PIGU: variants seen among roughly 807,000 people sequenced by gnomAD.
The protein encoded by PIGU is GPI-anchor transamidase component PIGU.
A neutral mutation model predicts 49.9 loss-of-function variants in PIGU; 24 were observed. That is an observed-to-expected ratio of 0.48 (90% CI 0.35 to 0.68). PIGU has a LOEUF of 0.68. PIGU is among the 30% of genes least tolerant of loss of function. The pLI is 0.01. For missense variants in PIGU, 490 were observed against 532.6 expected (o/e 0.92, Z 0.79); for synonymous variants, 220 against 205.7 (o/e 1.07, Z -0.59).
intron 6 of PIGU, among the ~76,000 whole-genome samples, chr20:34,626,895 G>C (rs1268697910): frequency 6.6e-6 from 1 of 151,796 alleles, no homozygotes; most frequent in East Asian, 1.9e-4. Context: ...AGGATAAAAA[G>C]TAAATTATTC....
intron 6 of PIGU, among the ~76,000 whole-genome samples, chr20:34,629,173 G>A (rs1057146494): frequency 3.3e-5 from 5 of 151,872 alleles, no homozygotes; most frequent in African/African-American, 1.2e-4. Flanking sequence ...CTGTCACCAC[G>A]CCCAGCTAAT....
intron 6 of PIGU, 27 bp from the exon 7 acceptor site, chr20:34,616,166 T>C (rs1384594533): frequency 6.2e-7 from 1 of 1,608,456 alleles, no homozygotes; most frequent in Non-Finnish European, 8.5e-7. Context: ...ATGTATGGAA[T>C]AATCCAGCCT....
chr20:34,622,644 C>A (rs908213191), intron 6 of PIGU, among the ~76,000 whole-genome samples: 1 of 152,146 alleles, frequency 6.6e-6, no homozygotes, highest in African/African-American at 2.4e-5. Context: ...AGACAGGATA[C>A]CTGAAATCAT....
intron 6 of PIGU, among the ~76,000 whole-genome samples, chr20:34,625,007 C>T (rs1210390155): frequency 3.3e-5 from 5 of 152,180 alleles, no homozygotes; most frequent in African/African-American, 1.2e-4. Context: ...TTCCACTGCC[C>T]CTATCGTCTT....
chr20:34,675,173 A>G (rs1047235754), intron 1 of PIGU, among the ~76,000 whole-genome samples: 19 of 144,610 alleles, frequency 1.3e-4, no homozygotes, highest in Non-Finnish European at 2.2e-4. Flanking sequence ...GCTTGAACCC[A>G]GGGGGCGGAG....
intron 1 of PIGU, among the ~76,000 whole-genome samples, chr20:34,667,015 T>C (rs997310239): frequency 5.3e-5 from 8 of 152,076 alleles, no homozygotes; most frequent in African/African-American, 1.9e-4. Context: ...GACTAATTCT[T>C]ATTTTTTGTA....
At chr20:34,658,203 CG>C (rs1207008764) in intron 1 of PIGU, among the ~76,000 whole-genome samples, 4 of 152,250 alleles carry the variant, frequency 2.6e-5, no homozygotes, top group East Asian at 3.8e-4. Context: ...CTGTGTTGGC[CG>C]GGCCGGTCTC....
intron 7 of PIGU, among the ~76,000 whole-genome samples, chr20:34,602,978 A>T (rs1984483337): frequency 6.6e-6 from 1 of 151,242 alleles, no homozygotes; most frequent in African/African-American, 2.4e-5. Flanking sequence ...AATTTTTGAT[A>T]CAATTTTTAA....
At chr20:34,612,868 T>G (rs1416699501) in intron 7 of PIGU, among the ~76,000 whole-genome samples, 1 of 151,996 alleles carries the variant, frequency 6.6e-6, no homozygotes, top group East Asian at 1.9e-4. Context: ...AGTGGTCCAC[T>G]TGCCTCAGCC....
intron 11 of PIGU, chr20:34,562,598 A>T: frequency 7.8e-7 from 1 of 1,279,470 alleles, no homozygotes; most frequent in Non-Finnish European, 1.0e-6. Context: ...TCTTAAACAG[A>T]TGGGGAAACT....
At chr20:34,568,971 A>T (rs1342766277) in intron 11 of PIGU, among the ~76,000 whole-genome samples, 1 of 152,112 alleles carries the variant, frequency 6.6e-6, no homozygotes, top group Non-Finnish European at 1.5e-5. Context: ...GCACTTTGGG[A>T]GGCTGAGGCA....
At chr20:34,591,031 G>A (rs1293736419) in intron 7 of PIGU, among the ~76,000 whole-genome samples, 4 of 128,992 alleles carry the variant, frequency 3.1e-5, no homozygotes, top group South Asian at 2.4e-4. Context: ...GAAAAAAAGA[G>A]AAAAAAAAAT....
intron 2 of PIGU, among the ~76,000 whole-genome samples, chr20:34,651,579 G>A (rs1009447612): frequency 6.6e-6 from 1 of 151,880 alleles, no homozygotes; most frequent in Admixed American, 6.6e-5. Context: ...TTCGTGGCAG[G>A]TAGGTTGGTC....
intron 11 of PIGU, among the ~76,000 whole-genome samples, chr20:34,573,458 GAAGA>G (rs1350561104): frequency 1.3e-5 from 2 of 152,200 alleles, no homozygotes; most frequent in Non-Finnish European, 2.9e-5. Flanking sequence ...CAGCCACAGA[GAAGA>G]AAGCTGTTAT....
Position 34,560,580 on chromosome 20 carries a change from A to C in PIGU, c.*286T>G, listed in dbSNP as rs1982435341. 2.5e-6 allele frequency: 1 copy of C among 397,484 alleles called. No homozygotes were observed. The highest frequency in any genetic ancestry group is 4.5e-6 in the Non-Finnish European group (1 of 223,378). 24.6% of individuals were successfully genotyped at this position (397,484 alleles called of 1,614,324 possible). The stretch of plus-strand genomic sequence containing the variant: ...AAAAAACATTTATTAAGTAGCCACA[A>C]TCTAACAAGCCCTGCTCACCTGCCT... On this transcript the variant is annotated 3_prime_UTR_variant, in exon 12 of 12. Coordinates refer to ENST00000217446, the MANE Select transcript of PIGU (RefSeq NM_080476.5).
chr20:34,562,526 C>T lies in PIGU; in HGVS notation c.1195-1547G>A, dbSNP rs1049514590. On this transcript the variant is annotated intron_variant, in intron 11 of 11. Transcript: ENST00000217446. Reference sequence around the variant, plus strand: ...CTGTCACCAGCAGCTCTGATGGCCTCAGGACAAGTACCTGCCATTCTATCA... The same window carrying T: ...CTGTCACCAGCAGCTCTGATGGCCTTAGGACAAGTACCTGCCATTCTATCA... The T allele has an allele frequency of 2.3e-6, 3 of 1,289,258 alleles. No homozygotes were observed. In the African/African-American group the frequency reaches 4.6e-5, roughly 20 times the overall value. The allele number at this position is 1,289,258 out of a possible 1,614,324, so 79.9% of individuals were successfully genotyped here. A position where few individuals can be genotyped will look rare whatever the true frequency, so the allele number is the denominator to read the frequency against.
chr20:34,621,030 C>T (rs1188508635), intron 6 of PIGU, among the ~76,000 whole-genome samples: 1 of 151,952 alleles, frequency 6.6e-6, no homozygotes, highest in African/African-American at 2.4e-5. Context: ...ACTCCGGTAC[C>T]CACTCTTAAT....
At chr20:34,618,073 A>G (rs916366667) in intron 6 of PIGU, among the ~76,000 whole-genome samples, 1 of 152,066 alleles carries the variant, frequency 6.6e-6, no homozygotes, top group African/African-American at 2.4e-5. Context: ...TCTTTCGTAA[A>G]TTGCCCAGTC....
chr20:34,566,165 A>C (rs145763991), intron 11 of PIGU, among the ~76,000 whole-genome samples: 4 of 152,152 alleles, frequency 2.6e-5, no homozygotes, highest in African/African-American at 9.7e-5. Flanking sequence ...GCAGCGCTGC[A>C]GCTCCCACCT....
Sources: gnomAD v4.1 joint callset for allele counts (sites outside exome capture counted in the v4.1 genomes callset) on GRCh38, gnomAD v4.1.1 for gene constraint, MANE v1.5 for transcripts, NCBI Gene and HGNC (gene_info 2026-07-23, HGNC 2026-07-21) for gene names.